Variants in SAMD12 observed in about 807,000 individuals in gnomAD.
SAMD12 encodes the protein sterile alpha motif domain-containing protein 12.
A neutral mutation model predicts 15.0 loss-of-function variants in SAMD12; 9 were observed. That is an observed-to-expected ratio of 0.60 (90% CI 0.36 to 1.05). The LOEUF is 1.05. Among genes scored for constraint, SAMD12 ranks in the 50% least tolerant of loss-of-function variants. SAMD12 has a pLI of 0.01. For missense variants in SAMD12, 230 were observed against 234.2 expected (o/e 0.98, Z 0.12); for synonymous variants, 86 against 90.1 (o/e 0.96, Z 0.25).
chr8:118,166,050 T>G, the SAMD12 span, among the ~76,000 whole-genome samples: 2 of 152,180 alleles, frequency 1.3e-5, no homozygotes, highest in African/African-American at 4.8e-5. Flanking sequence ...GCTTCTTTCC[T>G]CATAACTTCA....
chr8:118,368,344 A>G (rs1020641197), intron 4 of SAMD12, among the ~76,000 whole-genome samples: 14 of 152,194 alleles, frequency 9.2e-5, no homozygotes, highest in Non-Finnish European at 1.9e-4. Flanking sequence ...TCAGATTCCT[A>G]TTAGGTTACT....
intron 1 of SAMD12, among the ~76,000 whole-genome samples, chr8:118,613,200 T>C (rs73319391): frequency 0.055 from 8,424 of 152,242 alleles, 464 homozygotes; most frequent in African/African-American, 0.14. Context: ...GTAAATTGTA[T>C]CTAAACAACC....
chr8:118,229,937 A>G (rs1812272082), intron 4 of SAMD12, among the ~76,000 whole-genome samples: 1 of 152,056 alleles, frequency 6.6e-6, no homozygotes, highest in African/African-American at 2.4e-5. Context: ...CAGAAATACA[A>G]CACCTCCTCC....
intron 2 of SAMD12, among the ~76,000 whole-genome samples, chr8:118,548,298 G>T (rs562534958): frequency 6.6e-6 from 1 of 151,838 alleles, no homozygotes; most frequent in Non-Finnish European, 1.5e-5. Flanking sequence ...GCTCCAGTGG[G>T]GTAATAGATA....
chr8:118,394,475 C>A (rs916148101), intron 3 of SAMD12, among the ~76,000 whole-genome samples: 8 of 152,160 alleles, frequency 5.3e-5, no homozygotes, highest in South Asian at 4.1e-4. Flanking sequence ...TATGTATTGC[C>A]AAAATCCTGG....
chr8:118,438,162 A>C (rs992208098), intron 3 of SAMD12, among the ~76,000 whole-genome samples: 1 of 152,154 alleles, frequency 6.6e-6, no homozygotes, highest in Admixed American at 6.5e-5. Flanking sequence ...CTAAGTACCC[A>C]CACTGCCTTC....
At chr8:118,589,798 C>T (rs562482262) in intron 1 of SAMD12, among the ~76,000 whole-genome samples, 4 of 152,258 alleles carry the variant, frequency 2.6e-5, no homozygotes, top group South Asian at 2.1e-4. Flanking sequence ...AATTGAACCA[C>T]GTTTTTATGA....
intron 2 of SAMD12, among the ~76,000 whole-genome samples, chr8:118,490,431 A>T (rs1478307194): frequency 2.0e-5 from 3 of 152,202 alleles, no homozygotes; most frequent in Non-Finnish European, 4.4e-5. Flanking sequence ...GACAAAGAAA[A>T]GAGAATGCAA....
intron 4 of SAMD12, among the ~76,000 whole-genome samples, chr8:118,371,194 C>T (rs374624992): frequency 5.9e-5 from 9 of 152,112 alleles, no homozygotes; most frequent in African/African-American, 9.6e-5. Context: ...AATGGCTGTG[C>T]GATGCTGAAG....
chr8:118,133,004 ATATATATATATATATATATATATCT>A, the SAMD12 span, among the ~76,000 whole-genome samples: 1 of 102,738 alleles, frequency 9.7e-6, no homozygotes, highest in African/African-American at 3.3e-5. Context: ...ATATATATAT[ATATATATATATATATATATATATCT>A]TATTACTTAA....
intron 2 of SAMD12, among the ~76,000 whole-genome samples, chr8:118,530,193 T>C (rs759597655): frequency 2.0e-5 from 3 of 152,210 alleles, no homozygotes; most frequent in Admixed American, 6.5e-5. Context: ...TCTGTTCATG[T>C]CCTTTGCCTA....
Position 118,260,332 on chromosome 8 carries a change from T to C in SAMD12, c.434-62600A>G, listed in dbSNP as rs1813048461. ...AAAAACTCATACTCATCTTTTGAGA[T>C]GCAGAATAAAGCCCTCTAATACTGA... On this transcript the variant is annotated intron_variant, in intron 4 of 4. Coordinates refer to the SAMD12 transcript ENST00000409003. 2.0e-5 allele frequency among the ~76,000 whole-genome samples: 3 copies of C among 152,158 alleles called. No individual in the cohort carries two copies. In the South Asian group the frequency reaches 6.2e-4, roughly 32 times the overall value.
At chr8:118,420,372 G>A (rs1354844029) in intron 3 of SAMD12, among the ~76,000 whole-genome samples, 1 of 152,198 alleles carries the variant, frequency 6.6e-6, no homozygotes, top group Non-Finnish European at 1.5e-5. Context: ...CCCAGCCAAA[G>A]AAGCGGGGAC....
intron 2 of SAMD12, among the ~76,000 whole-genome samples, chr8:118,575,382 G>A (rs1008465575): frequency 2.6e-5 from 4 of 152,144 alleles, no homozygotes; most frequent in Admixed American, 2.0e-4. Context: ...ATTAATATAT[G>A]CAGCATTTTA....
intron 2 of SAMD12, among the ~76,000 whole-genome samples, chr8:118,442,109 G>A (rs1002785872): frequency 8.5e-5 from 13 of 152,256 alleles, no homozygotes; most frequent in Non-Finnish European, 1.3e-4. Context: ...CATAATCCAT[G>A]AGCATCATAA....
Position 118,548,793 on chromosome 8 carries a change from C to T in SAMD12, c.192+31922G>A, listed in dbSNP as rs57416344. ...CCTAGTCAAAGAAAGGGGTGACAGA[C>T]GGCACCTGGAAAATCGGGTCACTCC... On this transcript the variant is annotated intron_variant, in intron 2 of 3. Transcript: ENST00000314727. Among the ~76,000 whole-genome samples, 24 of 152,288 alleles carry T rather than the reference C, an allele frequency of 1.6e-4. No homozygotes were observed. In the South Asian group the frequency reaches 3.7e-3, roughly 24 times the overall value.
At chr8:118,299,249 G>A (rs1327381606) in intron 4 of SAMD12, among the ~76,000 whole-genome samples, 2 of 152,172 alleles carry the variant, frequency 1.3e-5, no homozygotes, top group Non-Finnish European at 2.9e-5. Flanking sequence ...CCCCAAGTAG[G>A]CTAGTGGTCA....
At chr8:118,608,241 G>A (rs1311375574) in intron 1 of SAMD12, among the ~76,000 whole-genome samples, 1 of 151,464 alleles carries the variant, frequency 6.6e-6, no homozygotes, top group Non-Finnish European at 1.5e-5. Context: ...GCCAAGCCCA[G>A]GCAAGGTGTG....
chr8:118,553,529 A>G (rs1478904260), intron 2 of SAMD12, among the ~76,000 whole-genome samples: 1 of 152,122 alleles, frequency 6.6e-6, no homozygotes, highest in Non-Finnish European at 1.5e-5. Context: ...ACAAAAATCA[A>G]TTCAAGATGG....
Sources: allele counts gnomAD v4.1 joint callset (sites outside exome capture counted in the v4.1 genomes callset), GRCh38; gene constraint gnomAD v4.1.1; transcripts MANE v1.5; gene names NCBI Gene and HGNC (gene_info 2026-07-23, HGNC 2026-07-21).